Variants in SYT17 observed in about 807,000 individuals in gnomAD.
SYT17 encodes synaptotagmin 17, also known as synaptotagmin-17.
SYT17 carries 22 observed loss-of-function variants against 46.7 expected under a neutral mutation model. The observed-to-expected ratio is 0.47, with a 90% confidence interval of 0.34 to 0.67. The LOEUF (loss-of-function observed/expected upper bound fraction) is 0.67, where lower values mean the gene tolerates loss of function less well. SYT17 is among the 30% of genes least tolerant of loss of function. The pLI is 0.01. For missense variants in SYT17, 519 were observed against 612.8 expected (o/e 0.85, Z 1.62); for synonymous variants, 251 against 248.4 (o/e 1.01, Z -0.10).
At position 19,169,565 on chromosome 16, in the gene SYT17, C is replaced by T. The variant is rs558753512; in HGVS notation, c.15+904C>T. 3.3e-5 allele frequency among the ~76,000 whole-genome samples: 5 copies of T among 152,362 alleles called. No homozygotes were observed. The East Asian group carries it at 7.7e-4, about 24-fold the overall frequency. On this transcript the variant is annotated intron_variant, in intron 1 of 7. Transcript: ENST00000355377. ...AGCCACAGCTGGGGGTGCTGCTGGT[C>T]CTCCCATTCCCCTCTGGGTCACATA... is the stretch of plus-strand genomic sequence containing the variant.
At chr16:19,246,136 C>T (rs1967541065) in intron 7 of SYT17, among the ~76,000 whole-genome samples, 1 of 151,838 alleles carries the variant, frequency 6.6e-6, no homozygotes, top group East Asian at 1.9e-4. Flanking sequence ...GGATTACAGG[C>T]ACCCACCAGC....
chr16:19,215,244 C>T (rs755475587), intron 5 of SYT17, among the ~76,000 whole-genome samples: 1 of 152,128 alleles, frequency 6.6e-6, no homozygotes, highest in Non-Finnish European at 1.5e-5. Context: ...GGGAGGGCAT[C>T]ATCCACTCCT....
At position 19,267,185 on chromosome 16, in the gene SYT17, C is replaced by G; in HGVS notation, c.*109C>G. Reference sequence around the variant, plus strand: ...ACCTGCATACACACTCGCAACATGTCTACACACGTCCACACACACAGACAC... The same window carrying G: ...ACCTGCATACACACTCGCAACATGTGTACACACGTCCACACACACAGACAC... On this transcript the variant is annotated 3_prime_UTR_variant, in exon 8 of 8. Coordinates refer to ENST00000355377, the MANE Select transcript of SYT17 (RefSeq NM_016524.4). 1 of 955,194 alleles carries G rather than the reference C, an allele frequency of 1.0e-6. No homozygotes were observed. The allele number at this position is 955,194 out of a possible 1,614,324, so 59.2% of individuals were successfully genotyped here. A position where few individuals can be genotyped will look rare whatever the true frequency, so the allele number is the denominator to read the frequency against.
In SYT17 at chr16:19,180,371, G is replaced by T. The variant is rs542537662; in HGVS notation, c.183-20G>T. 7 of 1,613,788 alleles carry T rather than the reference G, an allele frequency of 4.3e-6. No homozygotes were observed. The East Asian group carries it at 1.6e-4, about 36-fold the overall frequency. On this transcript the variant is annotated intron_variant, in intron 3 of 7. Coordinates refer to ENST00000355377, the MANE Select transcript of SYT17 (RefSeq NM_016524.4). ...CCGGGGATTCCTGGACAGCTACTGA[G>T]ACCTCTTCCCTTCCTATAGGATGGC...
chr16:19,211,108 AT>A, intron 5 of SYT17: 2 of 265,950 alleles, frequency 7.5e-6, no homozygotes, highest in Non-Finnish European at 7.0e-6. Flanking sequence ...CAGATTGTCT[AT>A]TTTGGTTCTC....
chr16:19,174,822 T>C (rs1040817907), intron 3 of SYT17, among the ~76,000 whole-genome samples: 6 of 150,560 alleles, frequency 4.0e-5, no homozygotes, highest in Non-Finnish European at 4.5e-5. Flanking sequence ...TGATCATACA[T>C]GTAAGTAACT....
At chr16:19,220,058 C>T (rs1966250751) in intron 5 of SYT17, among the ~76,000 whole-genome samples, 1 of 152,066 alleles carries the variant, frequency 6.6e-6, no homozygotes. Flanking sequence ...AGCAGGAAAC[C>T]CCTAGCAACA....
chr16:19,228,264 A>G (rs375290237), intron 7 of SYT17, among the ~76,000 whole-genome samples: 2 of 152,164 alleles, frequency 1.3e-5, no homozygotes, highest in East Asian at 3.9e-4. Flanking sequence ...TCAGGTGGCA[A>G]CTGTCAGCTG....
At chr16:19,231,899 T>C (rs1305191737) in intron 7 of SYT17, among the ~76,000 whole-genome samples, 1 of 152,158 alleles carries the variant, frequency 6.6e-6, no homozygotes, top group Non-Finnish European at 1.5e-5. Flanking sequence ...GATTGAATTG[T>C]AAATTGGTCT....
chr16:19,246,181 G>T (rs981513843), intron 7 of SYT17, among the ~76,000 whole-genome samples: 5 of 151,886 alleles, frequency 3.3e-5, no homozygotes, highest in African/African-American at 1.2e-4. Context: ...TAGTAGAATC[G>T]GGGTTTCACC....
intron 5 of SYT17, chr16:19,211,248 C>T (rs2142799651): frequency 3.7e-6 from 2 of 537,364 alleles, no homozygotes; most frequent in Non-Finnish European, 6.6e-6. Context: ...TCACCCAGTT[C>T]CTTCTCCTGT....
chr16:19,175,667 A>AAAAAAAAAAAAAAG (rs376222728), intron 3 of SYT17, among the ~76,000 whole-genome samples: 1 of 147,066 alleles, frequency 6.8e-6, no homozygotes, highest in African/African-American at 2.5e-5. Flanking sequence ...AAAAAAAAAA[A>AAAAAAAAAAAAAAG]GGATTCTACT....
chr16:19,231,789 T>A (rs1966702041), intron 7 of SYT17, among the ~76,000 whole-genome samples: 1 of 152,168 alleles, frequency 6.6e-6, no homozygotes, highest in Non-Finnish European at 1.5e-5. Context: ...TGCTAGACGT[T>A]ATGTATTCGA....
chr16:19,267,044 C>T lies in SYT17; in HGVS notation c.1393C>T (p.Arg465Cys), dbSNP rs758213884. ...HSLRSRAECD[R>C]VSPASLEVT Reference sequence around the variant, plus strand: ...CCTGAGGTCCCGAGCTGAGTGTGACCGCGTGTCTCCTGCCTCCCTGGAGGT... The same window carrying T: ...CCTGAGGTCCCGAGCTGAGTGTGACTGCGTGTCTCCTGCCTCCCTGGAGGT... The change falls in exon 8 of 8, where the codon CGC becomes TGC. Residue 465 changes from arginine (R) to cysteine (C), a missense_variant. Transcript: ENST00000355377. 4.7e-5 allele frequency: 75 copies of T among 1,610,484 alleles called. No individual in the cohort carries two copies. The highest frequency in any genetic ancestry group is 2.0e-4 in the African/African-American group (15 of 74,102).
chr16:19,259,763 T>C (rs1205937001), intron 7 of SYT17, among the ~76,000 whole-genome samples: 8 of 151,482 alleles, frequency 5.3e-5, no homozygotes, highest in African/African-American at 1.5e-4. Context: ...ACACTTAGAG[T>C]GTGTACATTT....
At chr16:19,194,490 C>A (rs1262346374) in intron 5 of SYT17, among the ~76,000 whole-genome samples, 3 of 152,230 alleles carry the variant, frequency 2.0e-5, no homozygotes, top group Admixed American at 2.0e-4. Context: ...AGGAAACACC[C>A]TCACTCAGCA....
At chr16:19,210,029 T>C (rs974226697) in intron 5 of SYT17, among the ~76,000 whole-genome samples, 3 of 152,146 alleles carry the variant, frequency 2.0e-5, no homozygotes, top group African/African-American at 7.2e-5. Flanking sequence ...AATGTCTAGA[T>C]AGTCACATGG....
chr16:19,189,869 G>A (rs1368035635), intron 5 of SYT17, among the ~76,000 whole-genome samples: 1 of 152,200 alleles, frequency 6.6e-6, no homozygotes, highest in African/African-American at 2.4e-5. Flanking sequence ...ATGAATGGGT[G>A]GCTTATGGGG....
At chr16:19,236,660 C>T (rs369599460) in intron 7 of SYT17, among the ~76,000 whole-genome samples, 5 of 152,146 alleles carry the variant, frequency 3.3e-5, no homozygotes, top group South Asian at 2.1e-4. Context: ...AGGGAGGAGA[C>T]GCATAGGGCA....
Sources: gnomAD v4.1 joint callset for allele counts (sites outside exome capture counted in the v4.1 genomes callset) on GRCh38, gnomAD v4.1.1 for gene constraint, MANE v1.5 for transcripts, NCBI Gene and HGNC (gene_info 2026-07-23, HGNC 2026-07-21) for gene names.